The following MYH10 variants were observed in gnomAD, a reference collection of about 807,000 sequenced individuals.
The protein encoded by MYH10 is myosin heavy chain 10.
In MYH10, 55 loss-of-function variants were observed where a neutral mutation model predicts 257.8. The ratio of observed to expected loss-of-function variants is 0.21; its 90% CI spans 0.17 to 0.27. The LOEUF is 0.27. Among genes scored for constraint, MYH10 ranks in the 10% least tolerant of loss-of-function variants. The probability of loss-of-function intolerance (pLI) is 1.00; values close to 1 mark genes in which losing one functional copy is unlikely to be tolerated. For missense variants in MYH10, 1,631 were observed against 2,500.6 expected (o/e 0.65, Z 7.42); for synonymous variants, 854 against 921.7 (o/e 0.93, Z 1.33).
intron 36 of MYH10, among the ~76,000 whole-genome samples, chr17:8,484,752 C>A (rs776795961): frequency 6.6e-6 from 1 of 152,162 alleles, no homozygotes; most frequent in Non-Finnish European, 1.5e-5. Flanking sequence ...AAATCTAATA[C>A]CCTTTCAATA....
In MYH10 at chr17:8,475,697, T is replaced by C; in HGVS notation, c.*107A>G. 7.5e-7 allele frequency: 1 copy of C among 1,335,028 alleles called. No homozygotes were observed. Among genetic ancestry groups the C allele is most frequent in the Non-Finnish European group, 1.0e-6 (1 of 961,266 alleles). The allele number at this position is 1,335,028 out of a possible 1,614,324, so 82.7% of individuals were successfully genotyped here. A position where few individuals can be genotyped will look rare whatever the true frequency, so the allele number is the denominator to read the frequency against. On this transcript the variant is annotated 3_prime_UTR_variant, in exon 43 of 43. Transcript: ENST00000360416. ...CTGGAGAGCCTTAAGACACAGTTGATCTTTCAGGAAGGAATCCCGTAGCTT... is the reference window on the plus strand; with the variant it reads ...CTGGAGAGCCTTAAGACACAGTTGACCTTTCAGGAAGGAATCCCGTAGCTT...
chr17:8,619,115 T>C (rs2085372849), intron 2 of MYH10, among the ~76,000 whole-genome samples: 1 of 152,236 alleles, frequency 6.6e-6, no homozygotes, highest in Non-Finnish European at 1.5e-5. Context: ...CATACATTGA[T>C]ATGCATCAAA....
In MYH10 at chr17:8,518,973, G is replaced by A. The variant is rs369682497; in HGVS notation, c.2274-23C>T. 71 of 1,553,050 alleles carry A rather than the reference G, an allele frequency of 4.6e-5. No individual in the cohort carries two copies. The African/African-American group carries it at 8.7e-4, about 19-fold the overall frequency. On this transcript the variant is annotated intron_variant, in intron 19 of 42. Coordinates refer to ENST00000360416, the MANE Select transcript of MYH10 (RefSeq NM_001256012.3). ...TATCTGTAAGAGAATATTCCAAGAA[G>A]TATTTTGTAGAAATTTGTGAACGAT...
intron 36 of MYH10, among the ~76,000 whole-genome samples, chr17:8,485,136 TTGA>T (rs1284608561): frequency 2.6e-5 from 4 of 152,182 alleles, no homozygotes; most frequent in Non-Finnish European, 1.5e-5. Context: ...CAAGAACTAA[TTGA>T]TGAGTTTAGC....
chr17:8,585,686 G>A (rs2083892396), intron 4 of MYH10, among the ~76,000 whole-genome samples: 1 of 152,088 alleles, frequency 6.6e-6, no homozygotes, highest in Admixed American at 6.6e-5. Flanking sequence ...GCTGAGAGAG[G>A]TGGAGGTAGG....
intron 7 of MYH10, chr17:8,561,240 AAAG>A (rs1313026743): frequency 1.1e-6 from 1 of 877,322 alleles, no homozygotes; most frequent in Non-Finnish European, 1.9e-6. Context: ...ATGACAAAGA[AAAG>A]AAGGAACAAA....
chr17:8,621,446 T>C (rs1287412245), intron 2 of MYH10, among the ~76,000 whole-genome samples: 3 of 151,774 alleles, frequency 2.0e-5, no homozygotes, highest in African/African-American at 7.3e-5. Context: ...GCCATGCAGA[T>C]CCAAAGCCCC....
chr17:8,518,996 G>C lies in MYH10; in HGVS notation c.2274-46C>G, dbSNP rs773180940. ...AAGTATTTTGTAGAAATTTGTGAAC[G>C]ATGTGTATCTACTAACTGTGTGTTT... On this transcript the variant is annotated intron_variant, in intron 19 of 42. Transcript: ENST00000360416. 1.5e-5 allele frequency: 21 copies of C among 1,430,658 alleles called. No individual in the cohort carries two copies. In the South Asian group the frequency reaches 2.1e-4, roughly 14 times the overall value. 88.6% of individuals were successfully genotyped at this position (1,430,658 alleles called of 1,614,324 possible).
chr17:8,527,154 C>A (rs959722583), intron 17 of MYH10, among the ~76,000 whole-genome samples: 2 of 152,140 alleles, frequency 1.3e-5, no homozygotes, highest in Non-Finnish European at 2.9e-5. Flanking sequence ...TCCATAATAT[C>A]CCTGTTACGT....
At position 8,543,071 on chromosome 17, in the gene MYH10, A is replaced by G. The variant is rs183467230; in HGVS notation, c.1432-791T>C. Among the ~76,000 whole-genome samples the G allele has an allele frequency of 2.1e-3, 316 of 152,354 alleles. 2 individuals are homozygous for G. The highest frequency in any genetic ancestry group is 4.9e-3 in the African/African-American group (205 of 41,590). On this transcript the variant is annotated intron_variant, in intron 13 of 42. Transcript: ENST00000360416. ...TGCATAGATGGGTGAATTAATAGGT[A>G]TAATTTTCTTAATCATCCTATACAC...
intron 9 of MYH10, among the ~76,000 whole-genome samples, chr17:8,550,369 G>A (rs1357782440): frequency 6.6e-6 from 1 of 151,804 alleles, no homozygotes; most frequent in Non-Finnish European, 1.5e-5. Flanking sequence ...GAGCACCTCT[G>A]CCCGGCCCCG....
At chr17:8,558,669 A>C (rs935290627) in intron 7 of MYH10, among the ~76,000 whole-genome samples, 11 of 152,252 alleles carry the variant, frequency 7.2e-5, no homozygotes, top group African/African-American at 2.7e-4. Flanking sequence ...CTCTTCTGCC[A>C]GTAGGCTCTT....
intron 17 of MYH10, among the ~76,000 whole-genome samples, chr17:8,528,532 A>C (rs1471262893): frequency 2.6e-5 from 4 of 152,062 alleles, no homozygotes; most frequent in Middle Eastern, 3.4e-3. Context: ...TTTTCTGCAA[A>C]TCTCTCTTTA....
At chr17:8,483,577 G>A (rs1397672177) in intron 37 of MYH10, among the ~76,000 whole-genome samples, 1 of 152,204 alleles carries the variant, frequency 6.6e-6, no homozygotes, top group African/African-American at 2.4e-5. Flanking sequence ...CAGGTTTGAA[G>A]AAATGTTGAT....
At chr17:8,478,730 TCTTA>T (rs1363187676) in intron 40 of MYH10, among the ~76,000 whole-genome samples, 5 of 152,322 alleles carry the variant, frequency 3.3e-5, no homozygotes, top group East Asian at 1.9e-4. Flanking sequence ...TACTCAGTTA[TCTTA>T]CTTTGTTTGT....
intron 3 of MYH10, among the ~76,000 whole-genome samples, chr17:8,601,446 A>G (rs2084589849): frequency 6.6e-6 from 1 of 152,134 alleles, no homozygotes; most frequent in Non-Finnish European, 1.5e-5. Context: ...ATCTCCTTTC[A>G]CTATTTCCAC....
chr17:8,578,355 G>A (rs2083578934), intron 4 of MYH10, among the ~76,000 whole-genome samples: 3 of 148,044 alleles, frequency 2.0e-5, no homozygotes. Flanking sequence ...CAATTCTCCT[G>A]CCTCAGCTTC....
chr17:8,543,826 A>C (rs968090298), intron 13 of MYH10, among the ~76,000 whole-genome samples: 1 of 152,214 alleles, frequency 6.6e-6, no homozygotes, highest in African/African-American at 2.4e-5. Context: ...TTAAACTACC[A>C]ATTATAATTT....
In MYH10 at chr17:8,504,930, A is replaced by C; in HGVS notation, c.3387-24T>G. The C allele has an allele frequency of 6.2e-7, 1 of 1,605,542 alleles. No homozygotes were observed. The highest frequency in any genetic ancestry group is 2.2e-5 in the East Asian group (1 of 44,806). ...CTCTGTTAAAACACCCAGGCGCAAGAGGCACTCAGAGATGGCACCCGGATG... is the reference window on the plus strand; with the variant it reads ...CTCTGTTAAAACACCCAGGCGCAAGCGGCACTCAGAGATGGCACCCGGATG... On this transcript the variant is annotated intron_variant, in intron 27 of 42. Coordinates refer to ENST00000360416, the MANE Select transcript of MYH10 (RefSeq NM_001256012.3). This position sits in a 1 kb window ranked among gnomAD's most constrained non-coding sequence, Gnocchi z 5.6.
Sources: gnomAD v4.1 joint callset for allele counts (sites outside exome capture counted in the v4.1 genomes callset) on GRCh38, gnomAD v4.1.1 for gene constraint, Gnocchi (gnomAD v3.1) non-coding constraint, MANE v1.5 for transcripts, NCBI Gene and HGNC (gene_info 2026-07-23, HGNC 2026-07-21) for gene names.